The following HS1BP3 variants were observed in gnomAD, a reference collection of about 807,000 sequenced individuals.
HS1BP3 encodes the protein HCLS1 binding protein 3.
In HS1BP3, 32 loss-of-function variants were observed where a neutral mutation model predicts 33.5. The observed-to-expected ratio is 0.95, with a 90% CI of 0.72 to 1.28. HS1BP3 has a LOEUF of 1.28. Among genes scored for constraint, HS1BP3 ranks in the 50% most tolerant of loss-of-function variants. HS1BP3 has a pLI of 0.00. For synonymous variants in HS1BP3, 187 were observed against 209.2 expected (o/e 0.89, Z 0.92); for missense variants, 486 against 502.3 (o/e 0.97, Z 0.31).
chr2:20,609,475 G>A (rs1053810492), intron 2 of HS1BP3, among the ~76,000 whole-genome samples: 1 of 152,116 alleles, frequency 6.6e-6, no homozygotes, highest in East Asian at 1.9e-4. Context: ...GCCTTCTCTA[G>A]GGAGCACATT....
In HS1BP3 at chr2:20,645,429, C is replaced by T; in HGVS notation, c.109G>A (p.Gly37Arg). 1 of 1,614,168 alleles carries T rather than the reference C, an allele frequency of 6.2e-7. No homozygotes were observed. Among genetic ancestry groups the T allele is most frequent in the Non-Finnish European group, 8.5e-7 (1 of 1,180,020 alleles). The change falls in exon 2 of 7, where the codon GGA (glycine) becomes AGA (arginine). Residue 37 changes from glycine to arginine, a missense_variant. Transcript: ENST00000304031. ...ACCAGGATCTGGTACTCCACGTGTCCAGACATCATCTTGCCCCGTACCTCC... is the reference window on the plus strand; with the variant it reads ...ACCAGGATCTGGTACTCCACGTGTCTAGACATCATCTTGCCCCGTACCTCC... ...HQEVRGKMMS[G>R]HVEYQILVVT...
rs1219451587 is a variant in HS1BP3, at chr2:20,641,129, G to A, written c.250C>T (p.Arg84Cys). 4 of 1,612,310 alleles carry A rather than the reference G, an allele frequency of 2.5e-6. No individual in the cohort carries two copies. The highest frequency in any genetic ancestry group is 2.2e-5 in the South Asian group (2 of 91,078). Residue 84 changes from arginine to cysteine, a missense_variant, in exon 3 of 7, where the codon CGT becomes TGT. Arg to Cys is a radical substitution (Grantham distance 180, BLOSUM62 -3). Coordinates refer to ENST00000304031, the MANE Select transcript of HS1BP3 (RefSeq NM_022460.4). ...IEEFYQKLSSRYAAASLPPLP... is the reference protein window; with the variant it reads ...IEEFYQKLSSCYAAASLPPLP... ...GGGGGGAGGCTGGCTGCTGCATAAC[G>A]ACTGCTCAGTTTCTGGTAAAACTCC... is the stretch of plus-strand genomic sequence containing the variant.
intron 3 of HS1BP3, chr2:20,640,355 C>T (rs1178735478): frequency 5.9e-6 from 1 of 168,848 alleles, no homozygotes; most frequent in African/African-American, 2.4e-5. Context: ...TCATAACGGC[C>T]TATCAGCCAG....
chr2:20,579,954 C>T (rs79817644), intron 5 of HS1BP3, among the ~76,000 whole-genome samples: 7,510 of 152,368 alleles, frequency 0.049, 174 homozygotes, highest in South Asian at 0.069. Flanking sequence ...CTCTCTTCCT[C>T]CTGCCTTTAA....
chr2:20,573,975 CA>C (rs1693338524), intron 5 of HS1BP3, among the ~76,000 whole-genome samples: 1 of 152,196 alleles, frequency 6.6e-6, no homozygotes. Flanking sequence ...ATGTCAGAAA[CA>C]AAAGCTTCTT....
At chr2:20,622,394 GA>G in intron 6 of HS1BP3, 2 of 1,178,602 alleles carry the variant, frequency 1.7e-6, no homozygotes, top group South Asian at 2.5e-5. Flanking sequence ...GGGGGTGCGG[GA>G]CCCACACTTT....
chr2:20,621,937 T>A (rs1231443632), intron 6 of HS1BP3, among the ~76,000 whole-genome samples: 5 of 152,222 alleles, frequency 3.3e-5, no homozygotes, highest in African/African-American at 9.6e-5. Flanking sequence ...CAGGCCCAGC[T>A]GGTGTGAGGT....
At chr2:20,596,935 G>T (rs958385543) in intron 3 of HS1BP3, among the ~76,000 whole-genome samples, 1 of 152,136 alleles carries the variant, frequency 6.6e-6, no homozygotes, top group Non-Finnish European at 1.5e-5. Context: ...ATGGCTCCCT[G>T]GACTCTGTGG....
At chr2:20,608,495 A>G (rs1306597109) in intron 2 of HS1BP3, among the ~76,000 whole-genome samples, 1 of 146,592 alleles carries the variant, frequency 6.8e-6, no homozygotes, top group African/African-American at 2.6e-5. Flanking sequence ...AATCTCTTGA[A>G]CCCGGGAGGT....
intron 2 of HS1BP3, among the ~76,000 whole-genome samples, chr2:20,643,610 G>A (rs1486475008): frequency 6.6e-6 from 1 of 152,154 alleles, no homozygotes; most frequent in Non-Finnish European, 1.5e-5. Context: ...CGCTTCTCAT[G>A]ACGTTGTTGA....
intron 5 of HS1BP3, among the ~76,000 whole-genome samples, chr2:20,569,545 T>C (rs1693215782): frequency 6.6e-6 from 1 of 152,226 alleles, no homozygotes; most frequent in Non-Finnish European, 1.5e-5. Context: ...TGAAACATAC[T>C]CAGGCTAAAA....
chr2:20,635,723 C>G (rs1326793175), intron 4 of HS1BP3: 1 of 152,166 alleles, frequency 6.6e-6, no homozygotes, highest in Non-Finnish European at 1.5e-5. Context: ...GTGCATTGTG[C>G]CTGCGGTTGC....
chr2:20,602,608 A>G (rs1694094527), intron 2 of HS1BP3, among the ~76,000 whole-genome samples: 1 of 152,166 alleles, frequency 6.6e-6, no homozygotes, highest in Non-Finnish European at 1.5e-5. Flanking sequence ...TTTTGTATAC[A>G]GTTTTTGAAA....
intron 4 of HS1BP3, among the ~76,000 whole-genome samples, chr2:20,631,104 T>C (rs12328854): frequency 0.048 from 7,237 of 152,158 alleles, 581 homozygotes; most frequent in African/African-American, 0.16. Flanking sequence ...AAGTGGGTCC[T>C]GGATGCAAGT....
downstream of HS1BP3, among the ~76,000 whole-genome samples, chr2:20,613,754 G>A (rs1169306131): frequency 1.3e-5 from 2 of 152,250 alleles, no homozygotes; most frequent in African/African-American, 4.8e-5. Context: ...TCACATGGGA[G>A]TGAAACCGAC....
At chr2:20,595,498 G>A (rs900212651) in intron 3 of HS1BP3, among the ~76,000 whole-genome samples, 1 of 152,186 alleles carries the variant, frequency 6.6e-6, no homozygotes, top group Non-Finnish European at 1.5e-5. Flanking sequence ...CAGCAGGAGG[G>A]CTTCCTGGAG....
At chr2:20,638,964 A>C (rs989400182) in intron 3 of HS1BP3, among the ~76,000 whole-genome samples, 3 of 152,202 alleles carry the variant, frequency 2.0e-5, no homozygotes, top group Non-Finnish European at 2.9e-5. Context: ...TCCTGAACCC[A>C]AGGCCCAGAG....
chr2:20,557,942 G>A (rs1215339327), downstream of HS1BP3, among the ~76,000 whole-genome samples: 2 of 152,190 alleles, frequency 1.3e-5, no homozygotes, highest in Non-Finnish European at 2.9e-5. Context: ...GACCCGGCAG[G>A]GTTTCTGCCT....
chr2:20,645,642 C>T (rs1695496595), intron 1 of HS1BP3, 137 bp from the exon 2 acceptor site: 1 of 824,586 alleles, frequency 1.2e-6, no homozygotes, highest in Non-Finnish European at 1.8e-6. Flanking sequence ...GTGGTCACTG[C>T]TCCAGGCCAC....
Sources: gnomAD v4.1 joint callset for allele counts (sites outside exome capture counted in the v4.1 genomes callset) on GRCh38, gnomAD v4.1.1 for gene constraint, MANE v1.5 for transcripts, NCBI Gene and HGNC (gene_info 2026-07-23, HGNC 2026-07-21) for gene names.